Variants in UNC13C observed in about 807,000 individuals in gnomAD.
UNC13C encodes unc-13 homolog C.
In UNC13C, 174 loss-of-function variants were observed where a neutral mutation model predicts 245.4. The observed-to-expected ratio is 0.71, with a 90% CI of 0.63 to 0.80. UNC13C has a LOEUF of 0.80. UNC13C is among the 30% of genes least tolerant of loss of function. The pLI is 0.00. For missense variants in UNC13C, 2,829 were observed against 2,602.9 expected (o/e 1.09, Z -1.89); for synonymous variants, 992 against 895.1 (o/e 1.11, Z -1.93).
intron 30 of UNC13C, among the ~76,000 whole-genome samples, chr15:54,608,648 T>A (rs1899908947): frequency 6.6e-6 from 1 of 152,202 alleles, no homozygotes; most frequent in African/African-American, 2.4e-5. Flanking sequence ...TATTTCAGAT[T>A]CCAGATTCTT....
intron 13 of UNC13C, among the ~76,000 whole-genome samples, chr15:54,301,993 T>TGA (rs2037596881): frequency 1.3e-5 from 2 of 152,046 alleles, no homozygotes; most frequent in African/African-American, 4.8e-5. Flanking sequence ...AACTGGCATG[T>TGA]GATGGTATGT....
At chr15:54,618,568 G>A (rs1429112038) in intron 30 of UNC13C, among the ~76,000 whole-genome samples, 1 of 53,264 alleles carries the variant, frequency 1.9e-5, no homozygotes, top group East Asian at 4.3e-4. Flanking sequence ...GAGATATCCT[G>A]TGTTCAAAGT....
intron 14 of UNC13C, among the ~76,000 whole-genome samples, chr15:54,330,119 A>T (rs1052970760): frequency 6.6e-6 from 1 of 151,824 alleles, no homozygotes; most frequent in Non-Finnish European, 1.5e-5. Flanking sequence ...TCTGGAGGCT[A>T]TTAGAGTTTT....
intron 1 of UNC13C, among the ~76,000 whole-genome samples, chr15:53,979,838 A>T (rs1893854032): frequency 6.6e-6 from 1 of 152,186 alleles, no homozygotes; most frequent in Non-Finnish European, 1.5e-5. Context: ...TAAAAAACTT[A>T]ATGATTTTTA....
intron 28 of UNC13C, among the ~76,000 whole-genome samples, chr15:54,551,181 C>T (rs1418214090): frequency 2.6e-5 from 4 of 152,086 alleles, no homozygotes; most frequent in Admixed American, 2.6e-4. Flanking sequence ...CTGCCCTTCT[C>T]CTTGTTTGAT....
At chr15:54,228,124 T>C (rs964541326) in intron 4 of UNC13C, among the ~76,000 whole-genome samples, 4 of 152,134 alleles carry the variant, frequency 2.6e-5, no homozygotes, top group Admixed American at 6.5e-5. Context: ...TCTCTCCCCA[T>C]AGTCACCACT....
At chr15:54,618,954 C>A (rs1596690367) in intron 30 of UNC13C, among the ~76,000 whole-genome samples, 1 of 152,198 alleles carries the variant, frequency 6.6e-6, no homozygotes, top group African/African-American at 2.4e-5. Flanking sequence ...TATAAACATA[C>A]AGGGAAATTT....
chr15:53,936,342 C>A, the UNC13C span, among the ~76,000 whole-genome samples: 1 of 152,172 alleles, frequency 6.6e-6, no homozygotes, highest in African/African-American at 2.4e-5. Context: ...TCAGCAACAC[C>A]AGCCAGGGTT....
At chr15:54,370,126 GTTTA>G (rs1335317340) in intron 17 of UNC13C, among the ~76,000 whole-genome samples, 1 of 152,070 alleles carries the variant, frequency 6.6e-6, no homozygotes, top group Non-Finnish European at 1.5e-5. Context: ...TTCTTAATGT[GTTTA>G]TTAACTACTT....
intron 4 of UNC13C, among the ~76,000 whole-genome samples, chr15:54,218,454 G>A (rs2035110216): frequency 1.3e-5 from 2 of 151,912 alleles, no homozygotes; most frequent in African/African-American, 4.8e-5. Flanking sequence ...TCAGTGAGGA[G>A]GCCAGTACCA....
the UNC13C span, among the ~76,000 whole-genome samples, chr15:53,950,017 A>G: frequency 8.0e-4 from 122 of 152,338 alleles, no homozygotes; most frequent in Non-Finnish European, 1.9e-4. Flanking sequence ...AAAAATGTCA[A>G]TACACAGAAA....
At chr15:54,266,823 G>A (rs574251484) in intron 10 of UNC13C, among the ~76,000 whole-genome samples, 2 of 152,090 alleles carry the variant, frequency 1.3e-5, no homozygotes, top group South Asian at 2.1e-4. Context: ...CGTGTGCAAA[G>A]GCAGTCTCTG....
At chr15:54,144,828 A>T (rs1331984385) in intron 4 of UNC13C, among the ~76,000 whole-genome samples, 1 of 152,182 alleles carries the variant, frequency 6.6e-6, no homozygotes, top group African/African-American at 2.4e-5. Context: ...TATGGTAAAT[A>T]TATCACAATA....
At position 54,015,788 on chromosome 15, in the gene UNC13C, T is replaced by A; in HGVS notation, c.2885T>A (p.Ile962Asn). The A allele has an allele frequency of 1.9e-6, 3 of 1,612,140 alleles. No homozygotes were observed. The highest frequency in any genetic ancestry group is 2.5e-6 in the Non-Finnish European group (3 of 1,178,972). Residue 962 changes from isoleucine (I) to asparagine (N), a missense_variant, in exon 2 of 33, where the codon ATC (isoleucine) becomes AAC (asparagine). Coordinates refer to ENST00000260323, the MANE Select transcript of UNC13C (RefSeq NM_001080534.3). ...NQNIPEQPVE[I>N]TKPKRIRPSF... ...AACATTCCTGAACAGCCAGTGGAGA[T>A]CACAAAGCCAAAGAGAATTCGTCCT... is the stretch of plus-strand genomic sequence containing the variant.
At chr15:54,501,415 T>C (rs1416487858) in intron 22 of UNC13C, among the ~76,000 whole-genome samples, 1 of 152,164 alleles carries the variant, frequency 6.6e-6, no homozygotes. Flanking sequence ...TGTAATTGAA[T>C]CTCAATAGTT....
intron 2 of UNC13C, among the ~76,000 whole-genome samples, chr15:54,125,422 C>A (rs1346426164): frequency 6.6e-6 from 1 of 152,144 alleles, no homozygotes; most frequent in Non-Finnish European, 1.5e-5. Flanking sequence ...GAGACTGCGC[C>A]ACTGCACTCC....
At chr15:54,375,081 G>A (rs1373264882) in intron 17 of UNC13C, among the ~76,000 whole-genome samples, 1 of 152,294 alleles carries the variant, frequency 6.6e-6, no homozygotes, top group South Asian at 2.1e-4. Flanking sequence ...ATGTCTTCTG[G>A]TGAATAAATG....
At chr15:53,946,760 G>A in the UNC13C span, among the ~76,000 whole-genome samples, 3 of 147,902 alleles carry the variant, frequency 2.0e-5, no homozygotes, top group African/African-American at 5.0e-5. Context: ...TAATCATGTG[G>A]TTTTCATTTT....
At chr15:54,373,500 A>AGGCAGCTCCAGATGCTGGCATGGGT (rs2039538940) in intron 17 of UNC13C, among the ~76,000 whole-genome samples, 2 of 152,116 alleles carry the variant, frequency 1.3e-5, no homozygotes, top group Non-Finnish European at 1.5e-5. Flanking sequence ...GTGGTGGGGT[A>AGGCAGCTCCAGATGCTGGCATGGGT]GGCAGCTCCA....
Sources: allele counts gnomAD v4.1 joint callset (sites outside exome capture counted in the v4.1 genomes callset), GRCh38; gene constraint gnomAD v4.1.1; transcripts MANE v1.5; gene names NCBI Gene and HGNC (gene_info 2026-07-23, HGNC 2026-07-21).